Variants in AGAP1 observed in about 807,000 individuals in gnomAD.
AGAP1 encodes arf-GAP with GTPase, ANK repeat and PH domain-containing protein 1.
In AGAP1, 29 loss-of-function variants were observed where a neutral mutation model predicts 105.3. The observed-to-expected ratio is 0.28, with a 90% confidence interval of 0.21 to 0.38. AGAP1 has a LOEUF of 0.38. Ranked by LOEUF, AGAP1 falls within the 10% of genes least tolerant of loss-of-function variation. AGAP1 has a pLI of 1.00. For synonymous variants in AGAP1, 509 were observed against 485.9 expected, an observed-to-expected ratio of 1.05 and a Z score of -0.63; for missense variants, 998 against 1,165.1, an observed-to-expected ratio of 0.86 and a Z score of 2.09.
At chr2:235,722,151 G>A (rs984320128) in intron 3 of AGAP1, among the ~76,000 whole-genome samples, 2 of 152,180 alleles carry the variant, frequency 1.3e-5, no homozygotes, top group Non-Finnish European at 2.9e-5. Flanking sequence ...TTGGGTGTGC[G>A]TGCTCACACG....
chr2:235,983,182 G>T lies in AGAP1; in HGVS notation c.1645+14559G>T, dbSNP rs966616727. On this transcript the variant is annotated intron_variant, in intron 13 of 17. Coordinates refer to ENST00000304032, the MANE Select transcript of AGAP1 (RefSeq NM_001037131.3). This position sits in a 1 kb window ranked among gnomAD's most constrained non-coding sequence, Gnocchi z 4.5. ...CCCCAGAGAAGGGACAGGATGGGGG[G>T]TTATGGAAGTGCCCAGCAAGGGGAG... Among the ~76,000 whole-genome samples the T allele has an allele frequency of 6.6e-6, 1 of 152,156 alleles. No individual in the cohort carries two copies. Among genetic ancestry groups the T allele is most frequent in the African/African-American group, 2.4e-5 (1 of 41,436 alleles).
intron 11 of AGAP1, among the ~76,000 whole-genome samples, chr2:235,915,947 A>G (rs1575770799): frequency 6.6e-6 from 1 of 152,200 alleles, no homozygotes; most frequent in East Asian, 1.9e-4. Flanking sequence ...CTACAAAAGA[A>G]GAGAAATCTG....
rs146043154 is a variant in AGAP1, at chr2:236,089,804, C to T, written c.2115-30388C>T. ...GCATCCCTGCCTCTTGAATGGCTGA[C>T]GAGGTCTAATTGGCATGTAACGCCC... On this transcript the variant is annotated intron_variant, in intron 16 of 17. Coordinates refer to ENST00000304032, the MANE Select transcript of AGAP1 (RefSeq NM_001037131.3). The surrounding 1 kb of genome is among the most constrained non-coding windows in gnomAD (Gnocchi z 5.6). 7.4e-4 allele frequency among the ~76,000 whole-genome samples: 113 copies of T among 152,178 alleles called. 2 individuals are homozygous for T. In the East Asian group the frequency reaches 0.017, roughly 23 times the overall value.
rs956175608 is a variant in AGAP1, at chr2:235,973,230, T to C, written c.1645+4607T>C. Among the ~76,000 whole-genome samples, 2 of 152,138 alleles carry C rather than the reference T, an allele frequency of 1.3e-5. No homozygotes were observed. Among genetic ancestry groups the C allele is most frequent in the African/African-American group, 2.4e-5 (1 of 41,432 alleles). The stretch of plus-strand genomic sequence containing the variant: ...TTGCTGAAGAACAGCCACTTTGTTC[T>C]GCACCAGATGGCAGAGGGTGTCAGA... On this transcript the variant is annotated intron_variant, in intron 13 of 17. Coordinates refer to ENST00000304032, the MANE Select transcript of AGAP1 (RefSeq NM_001037131.3). The surrounding 1 kb of genome is among the most constrained non-coding windows in gnomAD (Gnocchi z 4.7).
Position 236,001,058 on chromosome 2 carries a change from A to G in AGAP1, c.1645+32435A>G, listed in dbSNP as rs1162419844. On this transcript the variant is annotated intron_variant, in intron 13 of 17. Transcript: ENST00000304032. This position sits in a 1 kb window ranked among gnomAD's most constrained non-coding sequence, Gnocchi z 4.7. ...TGTGGCCTCATATGGAACTAGGGTCATGGCAGATGTCATTAGCTATACAGG... is the reference window on the plus strand; with the variant it reads ...TGTGGCCTCATATGGAACTAGGGTCGTGGCAGATGTCATTAGCTATACAGG... Among the ~76,000 whole-genome samples the G allele has an allele frequency of 1.3e-5, 2 of 152,220 alleles. No homozygotes were observed. Among genetic ancestry groups the G allele is most frequent in the South Asian group, 4.1e-4 (2 of 4,838 alleles).
rs1370059907 is a variant in AGAP1 at position 235,864,765 on chromosome 2, C to T, written c.1051-18580C>T. Among the ~76,000 whole-genome samples, 1 of 151,302 alleles carries T rather than the reference C, an allele frequency of 6.6e-6. No individual in the cohort carries two copies. The highest frequency in any genetic ancestry group is 1.5e-5 in the Non-Finnish European group (1 of 68,018). ...ATTTTGTTTTTCTTAGTTTCCTTTT[C>T]CTTTTCTTTTCTTTCCTTTGGATGG... On this transcript the variant is annotated intron_variant, in intron 9 of 17. Transcript: ENST00000304032. This position sits in a 1 kb window ranked among gnomAD's most constrained non-coding sequence, Gnocchi z 5.0.
rs991828302 is a variant in AGAP1 at position 235,753,241 on chromosome 2, G to A, written c.673+2753G>A. ...GTTGGGGGTGGCAAGAGGAGAATAA[G>A]GACTGATATTTCTAAATATTAGTTT... On this transcript the variant is annotated intron_variant, in intron 6 of 17. Coordinates refer to ENST00000304032, the MANE Select transcript of AGAP1 (RefSeq NM_001037131.3). The surrounding 1 kb of genome is among the most constrained non-coding windows in gnomAD (Gnocchi z 4.5). Among the ~76,000 whole-genome samples, 4 of 152,172 alleles carry A rather than the reference G, an allele frequency of 2.6e-5. No homozygotes were observed. The highest frequency in any genetic ancestry group is 9.7e-5 in the African/African-American group (4 of 41,432).
intron 9 of AGAP1, among the ~76,000 whole-genome samples, chr2:235,819,625 T>C (rs1455559363): frequency 6.6e-6 from 1 of 152,158 alleles, no homozygotes; most frequent in Non-Finnish European, 1.5e-5. Flanking sequence ...TGCCTTCTGT[T>C]CCAGGTAAAC....
At chr2:236,067,654 G>A (rs1454829141) in intron 16 of AGAP1, among the ~76,000 whole-genome samples, 2 of 152,214 alleles carry the variant, frequency 1.3e-5, no homozygotes, top group Non-Finnish European at 2.9e-5. Flanking sequence ...ATGTGGCCAA[G>A]ACTGGGAGTA....
rs1949702897 is a variant in AGAP1, at chr2:235,690,868, T to G, written c.164-18311T>G. Among the ~76,000 whole-genome samples, 1 of 152,236 alleles carries G rather than the reference T, an allele frequency of 6.6e-6. No homozygotes were observed. The highest frequency in any genetic ancestry group is 2.4e-5 in the African/African-American group (1 of 41,472). On this transcript the variant is annotated intron_variant, in intron 1 of 17. Coordinates refer to ENST00000304032, the MANE Select transcript of AGAP1 (RefSeq NM_001037131.3). The surrounding 1 kb of genome is among the most constrained non-coding windows in gnomAD (Gnocchi z 4.1). The stretch of plus-strand genomic sequence containing the variant: ...TTTCGAGAAGTCAAAATCAATGTTT[T>G]ATTTTCAGAGTTCTAAATCCAGCCA...
intron 13 of AGAP1, among the ~76,000 whole-genome samples, chr2:236,024,464 C>G (rs1295420093): frequency 1.3e-5 from 2 of 152,292 alleles, no homozygotes; most frequent in South Asian, 2.1e-4. Flanking sequence ...GTGTGTGCCT[C>G]TGTGCCTCCC....
At chr2:235,760,210 CCT>C (rs1480071279) in intron 6 of AGAP1, among the ~76,000 whole-genome samples, 1 of 152,140 alleles carries the variant, frequency 6.6e-6, no homozygotes, top group African/African-American at 2.4e-5. Flanking sequence ...CCGAAACCCC[CCT>C]CTCTAAAAAT....
Position 236,124,316 on chromosome 2 carries a change from C to T in AGAP1, c.*194C>T, listed in dbSNP as rs950806045. On this transcript the variant is annotated 3_prime_UTR_variant, in exon 18 of 18. Transcript: ENST00000304032. The surrounding 1 kb of genome is among the most constrained non-coding windows in gnomAD (Gnocchi z 5.1). ...ATCCCTCAAGGGGCGAAGAGGCGGCCGGGAGACTGCAGAAGTGGCTCCTTT... is the reference window on the plus strand; with the variant it reads ...ATCCCTCAAGGGGCGAAGAGGCGGCTGGGAGACTGCAGAAGTGGCTCCTTT... 23 of 659,978 alleles carry T rather than the reference C, an allele frequency of 3.5e-5. No homozygotes were observed. The highest frequency in any genetic ancestry group is 3.6e-5 in the Non-Finnish European group (14 of 386,568). 40.9% of individuals were successfully genotyped at this position (659,978 alleles called of 1,614,324 possible).
chr2:235,746,377 C>CCTTTTTTTTTTT (rs1295250993), intron 5 of AGAP1, among the ~76,000 whole-genome samples: 1 of 55,546 alleles, frequency 1.8e-5, no homozygotes, highest in African/African-American at 8.0e-5. Flanking sequence ...CCTCCCCCAA[C>CCTTTTTTTTTTT]TTTTTTTTTT....
intron 1 of AGAP1, among the ~76,000 whole-genome samples, chr2:235,640,548 G>A (rs1200556405): frequency 6.6e-6 from 1 of 152,184 alleles, no homozygotes; most frequent in Non-Finnish European, 1.5e-5. Context: ...GCATTTCCTG[G>A]TTGTTTACTG....
intron 1 of AGAP1, among the ~76,000 whole-genome samples, chr2:235,519,365 A>C (rs1015672856): frequency 6.6e-6 from 1 of 152,110 alleles, no homozygotes; most frequent in Admixed American, 6.5e-5. Flanking sequence ...GAGCCACCGC[A>C]CATGGCCCTA....
In AGAP1 at chr2:236,038,554, G is replaced by A. The variant is rs945608768; in HGVS notation, c.1800+1839G>A. ...TGCTCCCTTGGGAGGAGGACGCGTT[G>A]AGCAACCAAAGGTGGCCGACTCAGA... On this transcript the variant is annotated intron_variant, in intron 14 of 17. Coordinates refer to ENST00000304032, the MANE Select transcript of AGAP1 (RefSeq NM_001037131.3). The surrounding 1 kb of genome is among the most constrained non-coding windows in gnomAD (Gnocchi z 4.5). Among the ~76,000 whole-genome samples the A allele has an allele frequency of 6.6e-6, 1 of 152,184 alleles. No homozygotes were observed. The highest frequency in any genetic ancestry group is 2.4e-5 in the African/African-American group (1 of 41,432).
Position 235,971,096 on chromosome 2 carries a change from C to G in AGAP1, c.1645+2473C>G, listed in dbSNP as rs1559710562. ...CAGAGGTTCCAAGGGAGCCACCTCA[C>G]TCTCTAATTAGGAGAGTCTGGTCTC... is the stretch of plus-strand genomic sequence containing the variant. On this transcript the variant is annotated intron_variant, in intron 13 of 17. Coordinates refer to ENST00000304032, the MANE Select transcript of AGAP1 (RefSeq NM_001037131.3). The surrounding 1 kb of genome is among the most constrained non-coding windows in gnomAD (Gnocchi z 4.8). 6.6e-6 allele frequency among the ~76,000 whole-genome samples: 1 copy of G among 152,214 alleles called. No individual in the cohort carries two copies. Among genetic ancestry groups the G allele is most frequent in the South Asian group, 2.1e-4 (1 of 4,834 alleles).
At chr2:235,916,770 G>A (rs558753126) in intron 11 of AGAP1, among the ~76,000 whole-genome samples, 1 of 152,348 alleles carries the variant, frequency 6.6e-6, no homozygotes, top group African/African-American at 2.4e-5. Flanking sequence ...GCAAGGAAGA[G>A]GGGAAAGAAA....
Sources: gnomAD v4.1 joint callset for allele counts (sites outside exome capture counted in the v4.1 genomes callset) on GRCh38, gnomAD v4.1.1 for gene constraint, Gnocchi (gnomAD v3.1) non-coding constraint, MANE v1.5 for transcripts, NCBI Gene and HGNC (gene_info 2026-07-23, HGNC 2026-07-21) for gene names.